The following GABRG3 variants were observed in gnomAD, a reference collection of about 807,000 sequenced individuals.
GABRG3 encodes the protein gamma-aminobutyric acid type A receptor subunit gamma3, also known as gamma-aminobutyric acid receptor subunit gamma-3.
Under a neutral mutation model 48.8 loss-of-function variants are expected in GABRG3, and 25 were observed. The ratio of observed to expected loss-of-function variants is 0.51; its 90% CI spans 0.37 to 0.72. The LOEUF is 0.72. GABRG3 is among the 30% of genes least tolerant of loss of function. GABRG3 has a pLI of 0.00. For missense variants in GABRG3, 394 were observed against 577.9 expected (o/e 0.68, Z 3.26); for synonymous variants, 227 against 217.6 (o/e 1.04, Z -0.38).
intron 1 of GABRG3, among the ~76,000 whole-genome samples, chr15:26,973,824 G>A (rs1029063646): frequency 2.0e-5 from 3 of 152,220 alleles, no homozygotes; most frequent in African/African-American, 7.2e-5. Flanking sequence ...AGGTTGAGTT[G>A]TTGTTTGACT....
At chr15:27,178,957 A>G in intron 3 of GABRG3, among the ~76,000 whole-genome samples, 1 of 152,168 alleles carries the variant, frequency 6.6e-6, no homozygotes, top group East Asian at 1.9e-4. Flanking sequence ...GTAGGAAAAC[A>G]GGTTCTGGTT....
chr15:27,464,722 T>A (rs1889550878), intron 5 of GABRG3, among the ~76,000 whole-genome samples: 1 of 152,246 alleles, frequency 6.6e-6, no homozygotes, highest in African/African-American at 2.4e-5. Flanking sequence ...ATGCTAAACA[T>A]CTTTTCATGC....
At position 27,104,081 on chromosome 15, in the gene GABRG3, C is replaced by T. The variant is rs1228672694; in HGVS notation, c.270+77260C>T. Among the ~76,000 whole-genome samples, 7 of 152,202 alleles carry T rather than the reference C, an allele frequency of 4.6e-5. No individual in the cohort carries two copies. In the East Asian group the frequency reaches 1.3e-3, roughly 29 times the overall value. The stretch of plus-strand genomic sequence containing the variant: ...GTTGAGGTAGTTTCATTGTACCTTA[C>T]TTGTTTATCGAGGTTATAGAAAATG... On this transcript the variant is annotated intron_variant, in intron 3 of 9. Coordinates refer to ENST00000615808, the MANE Select transcript of GABRG3 (RefSeq NM_033223.5).
chr15:27,158,095 G>A (rs907426337), intron 3 of GABRG3: 3 of 151,962 alleles, frequency 2.0e-5, no homozygotes, highest in African/African-American at 7.2e-5. Context: ...TGCTTTCTTG[G>A]GTCAGGTGAA....
chr15:27,367,082 C>G (rs1895230540), intron 5 of GABRG3, among the ~76,000 whole-genome samples: 1 of 152,128 alleles, frequency 6.6e-6, no homozygotes, highest in African/African-American at 2.4e-5. Flanking sequence ...ATCCTCACAT[C>G]CACTGCTTTC....
chr15:26,976,014 A>G lies in GABRG3; in HGVS notation c.54-988A>G, dbSNP rs541958803. Among the ~76,000 whole-genome samples the G allele has an allele frequency of 2.6e-5, 4 of 152,270 alleles. No homozygotes were observed. The East Asian group carries it at 7.7e-4, about 29-fold the overall frequency. On this transcript the variant is annotated intron_variant, in intron 1 of 9. Coordinates refer to ENST00000615808, the MANE Select transcript of GABRG3 (RefSeq NM_033223.5). The surrounding 1 kb of genome is among the most constrained non-coding windows in gnomAD (Gnocchi z 7.8). ...ACTGTCTGCTCTCCAAGCCCAAATA[A>G]CTATGGTGTTGAGACGGCCTCACTC...
intron 5 of GABRG3, chr15:27,365,969 A>C (rs1013603030): frequency 6.6e-6 from 1 of 152,120 alleles, no homozygotes; most frequent in Non-Finnish European, 1.5e-5. Context: ...ACAGATTTTG[A>C]TTTTTCTAGG....
At chr15:27,452,841 T>A (rs1889149889) in intron 5 of GABRG3, among the ~76,000 whole-genome samples, 1 of 152,198 alleles carries the variant, frequency 6.6e-6, no homozygotes, top group Middle Eastern at 3.2e-3. Context: ...GTAGCTGCAA[T>A]TCCATGTTAA....
intron 5 of GABRG3, among the ~76,000 whole-genome samples, chr15:27,408,895 T>C (rs1887715580): frequency 6.6e-6 from 1 of 152,220 alleles, no homozygotes; most frequent in South Asian, 2.1e-4. Flanking sequence ...TCATCAAGCT[T>C]GAAGATATTT....
rs77734371 is a variant in GABRG3 at position 27,304,313 on chromosome 15, A to G, written c.271-22496A>G. Among the ~76,000 whole-genome samples, 229 of 152,150 alleles carry G rather than the reference A, an allele frequency of 1.5e-3. 1 individual carries two copies. Among genetic ancestry groups the G allele is most frequent in the African/African-American group, 5.0e-3 (206 of 41,552 alleles). On this transcript the variant is annotated intron_variant, in intron 3 of 9. Coordinates refer to ENST00000615808, the MANE Select transcript of GABRG3 (RefSeq NM_033223.5). Reference sequence around the variant, plus strand: ...TGACACTTTATATAAAAATCACAAGAAATCTACAAAAAGTCTCCCAAAACT... The same window carrying G: ...TGACACTTTATATAAAAATCACAAGGAATCTACAAAAAGTCTCCCAAAACT...
chr15:27,425,008 A>G (rs1888247904), intron 5 of GABRG3, among the ~76,000 whole-genome samples: 1 of 152,156 alleles, frequency 6.6e-6, no homozygotes, highest in Non-Finnish European at 1.5e-5. Flanking sequence ...GCACTTGACC[A>G]TGTCTCCAAG....
At chr15:27,286,876 G>T (rs911322263) in intron 3 of GABRG3, among the ~76,000 whole-genome samples, 6 of 152,060 alleles carry the variant, frequency 3.9e-5, no homozygotes, top group African/African-American at 1.2e-4. Flanking sequence ...GCCTGCTCTG[G>T]GCTGCCCTAC....
chr15:27,527,599 A>G lies in GABRG3; in HGVS notation c.1032A>G (p.Arg344=). The change falls in exon 8 of 10, where the codon AGA becomes AGG. Residue 344 remains arginine, a synonymous_variant. Coordinates refer to ENST00000615808, the MANE Select transcript of GABRG3 (RefSeq NM_033223.5). ...CCCTCAACTACTATTCCAGCTGTAG[A>G]AAACCAACCACCACGAAGAAGACAA... ...YATLNYYSSC[R]KPTTTKKTTS... is the part of the protein sequence containing the mutation. 1 of 1,612,634 alleles carries G rather than the reference A, an allele frequency of 6.2e-7. No individual in the cohort carries two copies. The highest frequency in any genetic ancestry group is 8.5e-7 in the Non-Finnish European group (1 of 1,179,220).
chr15:27,464,255 A>G (rs1889536686), intron 5 of GABRG3, among the ~76,000 whole-genome samples: 1 of 152,174 alleles, frequency 6.6e-6, no homozygotes, highest in Admixed American at 6.5e-5. Context: ...CCCATTAAGC[A>G]GTTACTCCCT....
intron 6 of GABRG3, among the ~76,000 whole-genome samples, chr15:27,489,604 G>T (rs908742349): frequency 2.0e-5 from 3 of 152,130 alleles, no homozygotes; most frequent in African/African-American, 7.2e-5. Flanking sequence ...TTGTGGTCTT[G>T]ATTTGCATTT....
intron 3 of GABRG3, chr15:27,295,258 G>C (rs1020670511): frequency 3.3e-5 from 5 of 152,244 alleles, no homozygotes; most frequent in Admixed American, 1.3e-4. Flanking sequence ...ATGTTAGAAT[G>C]GTACTCCAGC....
intron 3 of GABRG3, among the ~76,000 whole-genome samples, chr15:27,186,681 G>A (rs1422749710): frequency 6.6e-6 from 1 of 151,932 alleles, no homozygotes; most frequent in South Asian, 2.1e-4. Context: ...ATTTTCTGAC[G>A]TTTTAACAAA....
At chr15:27,399,840 C>T (rs1331084788) in intron 5 of GABRG3, among the ~76,000 whole-genome samples, 2 of 152,090 alleles carry the variant, frequency 1.3e-5, no homozygotes, top group Non-Finnish European at 2.9e-5. Context: ...AAAAGATCGG[C>T]GTTGAATCAG....
In GABRG3 at chr15:27,522,662, TG is replaced by T. The variant is rs550818084; in HGVS notation, c.865+2539del. Among the ~76,000 whole-genome samples the T allele has an allele frequency of 2.7e-3, 416 of 151,822 alleles. 3 individuals carry two copies. The highest frequency in any genetic ancestry group is 0.014 in the Middle Eastern group (4 of 294). ...AAATCTTATTGTAATCTGTTAAAAATGTATGAAAATATAGTAAAAAGCATAG... is the reference window on the plus strand; with the variant it reads ...AAATCTTATTGTAATCTGTTAAAAATTATGAAAATATAGTAAAAAGCATAG... On this transcript the variant is annotated intron_variant, in intron 7 of 9. Coordinates refer to ENST00000615808, the MANE Select transcript of GABRG3 (RefSeq NM_033223.5).
Sources: allele counts gnomAD v4.1 joint callset (sites outside exome capture counted in the v4.1 genomes callset), GRCh38; gene constraint gnomAD v4.1.1; non-coding constraint Gnocchi (gnomAD v3.1); transcripts MANE v1.5; gene names NCBI Gene and HGNC (gene_info 2026-07-23, HGNC 2026-07-21).